The following ANO6 variants were observed in gnomAD, a reference collection of about 807,000 sequenced individuals.
The protein encoded by ANO6 is anoctamin 6.
In ANO6, 106 loss-of-function variants were observed where a neutral mutation model predicts 117.5. The ratio of observed to expected loss-of-function variants is 0.90; its 90% CI spans 0.77 to 1.06. The LOEUF is 1.06. Ranked by LOEUF, ANO6 falls within the 50% of genes least tolerant of loss-of-function variation. The pLI is 0.00. For missense variants in ANO6, 955 were observed against 1,121.1 expected (o/e 0.85, Z 2.12); for synonymous variants, 367 against 385.1 (o/e 0.95, Z 0.55).
chr12:45,439,616 T>C, intron 19 of ANO6: 1 of 1,326,998 alleles, frequency 7.5e-7, no homozygotes, highest in Non-Finnish European at 9.7e-7. Context: ...AAGACAATAA[T>C]TACCAGAGTA....
At chr12:45,227,964 A>C (rs1158027246) in intron 1 of ANO6, among the ~76,000 whole-genome samples, 1 of 152,170 alleles carries the variant, frequency 6.6e-6, no homozygotes. Flanking sequence ...TGTTGATGCC[A>C]AGAAACTATT....
chr12:45,343,215 A>AT (rs893997254), intron 3 of ANO6, among the ~76,000 whole-genome samples: 4 of 152,028 alleles, frequency 2.6e-5, no homozygotes, highest in African/African-American at 9.7e-5. Flanking sequence ...GAGTTACATG[A>AT]TTTTTTTCCC....
In ANO6 at chr12:45,403,471, A is replaced by C; in HGVS notation, c.1815A>C (p.Thr605=). ...CAGGTGGCTGTCTTCTTGAACTGAC[A>C]ACTCAGCTGACAATAATCATGGGAG... is the stretch of plus-strand genomic sequence containing the variant. ...CDPGGCLLEL[T]TQLTIIMGGK... Residue 605 remains threonine, a synonymous_variant, in exon 15 of 20, where the codon ACA becomes ACC. Coordinates refer to ENST00000320560, the MANE Select transcript of ANO6 (RefSeq NM_001025356.3). 1.1e-5 allele frequency: 17 copies of C among 1,613,994 alleles called. No individual in the cohort carries two copies. The highest frequency in any genetic ancestry group is 1.4e-5 in the Non-Finnish European group (17 of 1,179,846).
At position 45,216,276 on chromosome 12, in the gene ANO6, A is replaced by C; in HGVS notation, c.-46A>C. The C allele has an allele frequency of 1.9e-6, 3 of 1,572,786 alleles. No individual in the cohort carries two copies. Among genetic ancestry groups the C allele is most frequent in the Non-Finnish European group, 2.6e-6 (3 of 1,158,762 alleles). ...GAGCCGCGCCGTTCTGGAACCCGGG[A>C]GCCCCCAACTTCGCGCCAAGTTCGG... is the stretch of plus-strand genomic sequence containing the variant. On this transcript the variant is annotated 5_prime_UTR_variant, in exon 1 of 20. Transcript: ENST00000320560.
chr12:45,286,413 C>T (rs1938915904), intron 1 of ANO6, among the ~76,000 whole-genome samples: 1 of 152,114 alleles, frequency 6.6e-6, no homozygotes, highest in Non-Finnish European at 1.5e-5. Context: ...CATTATTTAA[C>T]CGATGACTTA....
intron 1 of ANO6, among the ~76,000 whole-genome samples, chr12:45,281,437 G>A (rs894720045): frequency 6.6e-6 from 1 of 152,212 alleles, no homozygotes; most frequent in South Asian, 2.1e-4. Context: ...TACAGGAAGT[G>A]CACTGTTGGC....
At chr12:45,268,833 C>T (rs1450295225) in intron 1 of ANO6, among the ~76,000 whole-genome samples, 3 of 152,208 alleles carry the variant, frequency 2.0e-5, no homozygotes, top group African/African-American at 4.8e-5. Flanking sequence ...CATTAACGGG[C>T]ATAGACTATT....
chr12:45,263,214 C>A (rs1404487019), intron 1 of ANO6, among the ~76,000 whole-genome samples: 1 of 151,720 alleles, frequency 6.6e-6, no homozygotes. Context: ...ACAAGATGTT[C>A]TATTTTTTAT....
At chr12:45,428,439 C>A (rs1441898241) in intron 19 of ANO6, among the ~76,000 whole-genome samples, 1 of 152,066 alleles carries the variant, frequency 6.6e-6, no homozygotes, top group Non-Finnish European at 1.5e-5. Context: ...ATAGCGAGAC[C>A]CTGTTTCTAC....
downstream of ANO6, among the ~76,000 whole-genome samples, chr12:45,432,583 A>G (rs1943658000): frequency 6.6e-6 from 1 of 152,222 alleles, no homozygotes; most frequent in African/African-American, 2.4e-5. Flanking sequence ...TCTTTTCATC[A>G]ATCTAGCAAA....
chr12:45,370,216 C>T (rs1463871021), intron 9 of ANO6, among the ~76,000 whole-genome samples: 1 of 152,234 alleles, frequency 6.6e-6, no homozygotes, highest in Non-Finnish European at 1.5e-5. Flanking sequence ...TCCACATAGT[C>T]CATGGAACAC....
At chr12:45,422,812 GATC>G in intron 18 of ANO6, 142 bp from the exon 19 acceptor site, 3 of 705,710 alleles carry the variant, frequency 4.3e-6, no homozygotes, top group Non-Finnish European at 7.8e-6. Flanking sequence ...GGCCTCAAGT[GATC>G]CACATGCCTC....
At chr12:45,266,805 A>AGTGTGTGTGTGTGTGTGTGT (rs57682251) in intron 1 of ANO6, among the ~76,000 whole-genome samples, 2 of 145,658 alleles carry the variant, frequency 1.4e-5, no homozygotes, top group African/African-American at 5.1e-5. Context: ...TCAAAAAACA[A>AGTGTGTGTGTGTGTGTGTGT]GTGTGTGTGT....
chr12:45,216,767 G>A (rs903072063), intron 1 of ANO6, among the ~76,000 whole-genome samples: 3 of 152,230 alleles, frequency 2.0e-5, no homozygotes, highest in African/African-American at 7.2e-5. Flanking sequence ...GCACTGGGGC[G>A]AGCCCCCTGG....
At chr12:45,242,811 A>G (rs1318356262) in intron 1 of ANO6, among the ~76,000 whole-genome samples, 1 of 152,220 alleles carries the variant, frequency 6.6e-6, no homozygotes, top group East Asian at 1.9e-4. Context: ...TCTTTTGTAA[A>G]TAAGATAGAA....
intron 2 of ANO6, among the ~76,000 whole-genome samples, chr12:45,316,085 C>A (rs1206045224): frequency 2.6e-5 from 4 of 151,936 alleles, no homozygotes; most frequent in Non-Finnish European, 5.9e-5. Flanking sequence ...ATGGAATTTT[C>A]CCGGTAATTT....
intron 3 of ANO6, among the ~76,000 whole-genome samples, chr12:45,334,710 G>A (rs1455811859): frequency 6.6e-6 from 1 of 152,004 alleles, no homozygotes. Context: ...TAATAAAGAG[G>A]GGAGAATGGC....
chr12:45,376,649 CAAT>C (rs1400550116), intron 9 of ANO6, among the ~76,000 whole-genome samples: 3 of 144,404 alleles, frequency 2.1e-5, no homozygotes, highest in Non-Finnish European at 4.5e-5. Flanking sequence ...AGGAATTGAA[CAAT>C]GAGATCACAT....
intron 1 of ANO6, among the ~76,000 whole-genome samples, chr12:45,238,413 A>C (rs1384348032): frequency 1.3e-5 from 2 of 152,062 alleles, no homozygotes; most frequent in Non-Finnish European, 2.9e-5. Context: ...AGCCTCCCAA[A>C]GTGCTGGGAT....
Sources: allele counts gnomAD v4.1 joint callset (sites outside exome capture counted in the v4.1 genomes callset), GRCh38; gene constraint gnomAD v4.1.1; transcripts MANE v1.5; gene names NCBI Gene and HGNC (gene_info 2026-07-23, HGNC 2026-07-21).